Variants in HAS3 observed in about 807,000 individuals in gnomAD.
The protein encoded by HAS3 is HA synthase 3.
In HAS3, 27 loss-of-function variants were observed where a neutral mutation model predicts 50.3. The ratio of observed to expected loss-of-function variants is 0.54; its 90% CI spans 0.40 to 0.74. The LOEUF is 0.74. HAS3 is among the 30% of genes least tolerant of loss of function. The probability of loss-of-function intolerance (pLI) is 0.00; values close to 1 mark genes in which losing one functional copy is unlikely to be tolerated. For synonymous variants in HAS3, 339 were observed against 310.9 expected (o/e 1.09, Z -0.95); for missense variants, 517 against 742.8 (o/e 0.70, Z 3.53).
At chr16:69,104,592 C>T (rs1349491212), upstream of HAS3, among the ~76,000 whole-genome samples, 1 of 152,126 alleles carries the variant, frequency 6.6e-6, no homozygotes, top group Non-Finnish European at 1.5e-5. Context: ...CTGCACCCGG[C>T]CCTGGCTAAT....
chr16:69,105,815 G>A (rs1960773142), intron 1 of HAS3, 28 bp downstream of exon 1: 1 of 152,336 alleles, frequency 6.6e-6, no homozygotes, highest in Non-Finnish European at 1.5e-5. Context: ...GTTAGAGAGC[G>A]GGGCGTGGGG....
the HAS3 span, among the ~76,000 whole-genome samples, chr16:69,097,489 C>T: frequency 6.6e-6 from 1 of 152,038 alleles, no homozygotes; most frequent in African/African-American, 2.4e-5. Context: ...ACAAGCTTAC[C>T]TTAAGTGTAG....
At chr16:69,102,826 G>T (rs1960710487), upstream of HAS3, among the ~76,000 whole-genome samples, 1 of 152,170 alleles carries the variant, frequency 6.6e-6, no homozygotes. Flanking sequence ...GATGGTCCTG[G>T]CCCAGCCCCA....
At chr16:69,111,698 T>A (rs182403229) in intron 2 of HAS3, among the ~76,000 whole-genome samples, 4 of 152,224 alleles carry the variant, frequency 2.6e-5, no homozygotes, top group African/African-American at 9.6e-5. Context: ...ATGGAGGGAG[T>A]TAGGAGAGCT....
At chr16:69,104,820 C>G (rs1960743429), upstream of HAS3, among the ~76,000 whole-genome samples, 1 of 151,892 alleles carries the variant, frequency 6.6e-6, no homozygotes, top group Non-Finnish European at 1.5e-5. Flanking sequence ...GGTGTGAGGT[C>G]TGTGGCCCAG....
chr16:69,092,635 G>T, the HAS3 span, among the ~76,000 whole-genome samples: 1 of 148,462 alleles, frequency 6.7e-6, no homozygotes, highest in Non-Finnish European at 1.5e-5. Flanking sequence ...TTCCCTGCTT[G>T]TTTAAATGGA....
At chr16:69,095,514 ATT>A in the HAS3 span, among the ~76,000 whole-genome samples, 12 of 144,882 alleles carry the variant, frequency 8.3e-5, no homozygotes, top group African/African-American at 2.0e-4. Context: ...TGCCTGGGGA[ATT>A]TTTTTTTTTT....
chr16:69,106,591 G>C lies in HAS3; in HGVS notation c.-1+804G>C, dbSNP rs1597091933. On this transcript the variant is annotated intron_variant, in intron 1 of 3. Transcript: ENST00000569188. The surrounding 1 kb of genome is among the most constrained non-coding windows in gnomAD (Gnocchi z 5.5). ...TTCCAGCCTCGCCTCCCTCCTCCCC[G>C]GCGGCTCCTGTTTTGTGAATGAATT... is the stretch of plus-strand genomic sequence containing the variant. 1 of 152,302 alleles carries C rather than the reference G, an allele frequency of 6.6e-6. No individual in the cohort carries two copies. The highest frequency in any genetic ancestry group is 6.5e-5 in the Admixed American group (1 of 15,278). The allele number at this position is 152,302 out of a possible 1,614,324, so 9.4% of individuals were successfully genotyped here.
chr16:69,101,297 CTTTATT>C (rs1367792186), upstream of HAS3, among the ~76,000 whole-genome samples: 1 of 152,078 alleles, frequency 6.6e-6, no homozygotes, highest in Non-Finnish European at 1.5e-5. Context: ...CTGGAAGCTC[CTTTATT>C]TTTATTTTTT....
the HAS3 span, among the ~76,000 whole-genome samples, chr16:69,097,489 C>G: frequency 2.0e-5 from 3 of 152,038 alleles, no homozygotes; most frequent in African/African-American, 7.2e-5. Flanking sequence ...ACAAGCTTAC[C>G]TTAAGTGTAG....
the HAS3 span, among the ~76,000 whole-genome samples, chr16:69,099,135 C>A: frequency 2.4e-4 from 37 of 151,328 alleles, no homozygotes; most frequent in African/African-American, 7.8e-4. Flanking sequence ...ATTAGCCCAG[C>A]TAATTTTTTG....
rs749439912 is a variant in HAS3, at chr16:69,109,931, G to A, written c.536G>A (p.Arg179Gln). The A allele has an allele frequency of 1.4e-5, 22 of 1,614,040 alleles. No homozygotes were observed. The highest frequency in any genetic ancestry group is 4.4e-5 in the South Asian group (4 of 91,080). Residue 179 changes from arginine to glutamine, a missense_variant, in exon 2 of 4, where the codon CGG (arginine) becomes CAG (glutamine). Physicochemically the swap from Arg to Gln is conservative, Grantham distance 43. Coordinates refer to ENST00000569188, the MANE Select transcript of HAS3 (RefSeq NM_001199280.2). This position sits in a 1 kb window ranked among gnomAD's most constrained non-coding sequence, Gnocchi z 5.3. ...EGMDRVRDVVRASTFSCIMQK... is the reference protein window; with the variant it reads ...EGMDRVRDVVQASTFSCIMQK... ...ATGGACCGTGTGCGGGATGTGGTGC[G>A]GGCCAGCACCTTCTCGTGCATCATG... is the stretch of plus-strand genomic sequence containing the variant.
chr16:69,098,959 G>A, the HAS3 span, among the ~76,000 whole-genome samples: 1 of 150,872 alleles, frequency 6.6e-6, no homozygotes, highest in East Asian at 2.0e-4. Context: ...ACTGCGCCCA[G>A]CCTGAACCTG....
upstream of HAS3, among the ~76,000 whole-genome samples, chr16:69,103,141 A>G (rs939546543): frequency 6.6e-6 from 1 of 152,302 alleles, no homozygotes; most frequent in Admixed American, 6.5e-5. Flanking sequence ...GCACCTGGCC[A>G]CATGAGGCCC....
At position 69,116,799 on chromosome 16, in the gene HAS3, C is replaced by G. The variant is rs1961203724; in HGVS notation, c.*1533C>G. ...TTTAAAACCTGGGATCCTGACTAAG[C>G]CTTTGACTTAAGGGTTGCTTGCTTG... On this transcript the variant is annotated 3_prime_UTR_variant, in exon 4 of 4. Transcript: ENST00000569188. The G allele has an allele frequency of 2.0e-6, 2 of 985,290 alleles. No homozygotes were observed. The highest frequency in any genetic ancestry group is 3.5e-5 in the African/African-American group (2 of 57,232). The allele number at this position is 985,290 out of a possible 1,614,324, so 61.0% of individuals were successfully genotyped here.
chr16:69,118,605 G>C, downstream of HAS3: 1 of 713,534 alleles, frequency 1.4e-6, no homozygotes, highest in Non-Finnish European at 2.6e-6. Flanking sequence ...AAGCACAGCA[G>C]GCTTCTGGGA....
chr16:69,101,261 AG>A (rs1488894259), upstream of HAS3, among the ~76,000 whole-genome samples: 1 of 152,186 alleles, frequency 6.6e-6, no homozygotes, highest in African/African-American at 2.4e-5. Context: ...CTTCCTACAC[AG>A]CAGGCCCGGC....
At position 69,107,231 on chromosome 16, in the gene HAS3, C is replaced by T. The variant is rs1022150275; in HGVS notation, c.-1+1444C>T. 1 of 625,784 alleles carries T rather than the reference C, an allele frequency of 1.6e-6. No homozygotes were observed. The highest frequency in any genetic ancestry group is 2.0e-5 in the African/African-American group (1 of 48,794). The allele number at this position is 625,784 out of a possible 1,614,324, so 38.8% of individuals were successfully genotyped here. A position where few individuals can be genotyped will look rare whatever the true frequency, so the allele number is the denominator to read the frequency against. On this transcript the variant is annotated intron_variant, in intron 1 of 3. Coordinates refer to ENST00000569188, the MANE Select transcript of HAS3 (RefSeq NM_001199280.2). This position sits in a 1 kb window ranked among gnomAD's most constrained non-coding sequence, Gnocchi z 5.5. ...CAGCGCCTGATTGCACGTGGGGTATCTGGCTGAGGGACATTTTGGGGGCCT... is the reference window on the plus strand; with the variant it reads ...CAGCGCCTGATTGCACGTGGGGTATTTGGCTGAGGGACATTTTGGGGGCCT...
chr16:69,104,369 C>T (rs117337537), upstream of HAS3, among the ~76,000 whole-genome samples: 5,107 of 150,904 alleles, frequency 0.034, 111 homozygotes, highest in Non-Finnish European at 0.042. Context: ...TAATCTTGGC[C>T]CACTGCAACC....
Sources: gnomAD v4.1 joint callset for allele counts (sites outside exome capture counted in the v4.1 genomes callset) on GRCh38, gnomAD v4.1.1 for gene constraint, Gnocchi (gnomAD v3.1) non-coding constraint, MANE v1.5 for transcripts, NCBI Gene and HGNC (gene_info 2026-07-23, HGNC 2026-07-21) for gene names.